KLHL1: variants seen among roughly 807,000 people sequenced by gnomAD.
The protein encoded by KLHL1 is kelch-like protein 1.
A neutral mutation model predicts 77.7 loss-of-function variants in KLHL1; 47 were observed. The observed-to-expected ratio is 0.60, with a 90% CI of 0.48 to 0.77. The LOEUF is 0.77. Ranked by LOEUF, KLHL1 falls within the 30% of genes least tolerant of loss-of-function variation. KLHL1 has a pLI of 0.00. For missense variants in KLHL1, 925 were observed against 910.8 expected (o/e 1.02, Z -0.20); for synonymous variants, 360 against 325.2 (o/e 1.11, Z -1.15).
chr13:69,873,965 T>C (rs1880674973), intron 5 of KLHL1, among the ~76,000 whole-genome samples: 1 of 151,984 alleles, frequency 6.6e-6, no homozygotes, highest in Non-Finnish European at 1.5e-5. Context: ...CTAAGAACAG[T>C]AAACATTTAA....
At chr13:69,771,082 T>C (rs1875541139) in intron 7 of KLHL1, among the ~76,000 whole-genome samples, 1 of 152,204 alleles carries the variant, frequency 6.6e-6, no homozygotes. Context: ...TGCTGCCATA[T>C]ATACTTTTGG....
In KLHL1 at chr13:69,796,856, T is replaced by C. The variant is rs199651149; in HGVS notation, c.1521A>G (p.Lys507=). The C allele has an allele frequency of 2.5e-6, 4 of 1,613,846 alleles. No individual in the cohort carries two copies. In the African/African-American group the frequency reaches 4.0e-5, roughly 16 times the overall value. Residue 507 remains lysine, a synonymous_variant, in exon 7 of 11, where the codon AAA becomes AAG. Transcript: ENST00000377844. ...CATCTCGACCTCCAATTACAAAGAG[T>C]TTGTCATCAATAACAGCCACACCAA... ...LQFGVAVIDD[K]LFVIGGRDGL...
chr13:69,867,989 A>T (rs1880437116), intron 5 of KLHL1, among the ~76,000 whole-genome samples: 1 of 150,766 alleles, frequency 6.6e-6, no homozygotes, highest in Non-Finnish European at 1.5e-5. Context: ...GTACCCTAAA[A>T]CTTAAAGCAT....
chr13:69,925,812 CATGAGATAAAT>C (rs1427066223), intron 4 of KLHL1, among the ~76,000 whole-genome samples: 1 of 152,134 alleles, frequency 6.6e-6, no homozygotes, highest in African/African-American at 2.4e-5. Context: ...TACTCTCATT[CATGAGATAAAT>C]ATGAGATAAA....
intron 1 of KLHL1, among the ~76,000 whole-genome samples, chr13:69,997,492 A>G (rs1042117824): frequency 1.6e-4 from 24 of 151,052 alleles, no homozygotes; most frequent in Non-Finnish European, 3.4e-4. Flanking sequence ...ACGGGAAACC[A>G]CCGCTTTCCT....
At chr13:69,929,657 TATTA>T (rs978454634) in intron 4 of KLHL1, among the ~76,000 whole-genome samples, 54 of 152,042 alleles carry the variant, frequency 3.6e-4, no homozygotes, top group African/African-American at 1.1e-3. Context: ...TCTAGTATTT[TATTA>T]ATTAAATTTT....
intron 1 of KLHL1, among the ~76,000 whole-genome samples, chr13:70,056,494 T>C (rs1287949130): frequency 6.6e-6 from 1 of 152,064 alleles, no homozygotes; most frequent in Non-Finnish European, 1.5e-5. Context: ...ATGGAACTAA[T>C]GTATTTCATT....
At chr13:69,774,770 C>T (rs116341455) in intron 7 of KLHL1, among the ~76,000 whole-genome samples, 2,308 of 152,066 alleles carry the variant, frequency 0.015, 56 homozygotes, top group African/African-American at 0.051. Flanking sequence ...TTTGCAGAAT[C>T]TGTTGCTTCT....
At chr13:70,038,210 T>A (rs1886285199) in intron 1 of KLHL1, among the ~76,000 whole-genome samples, 1 of 152,196 alleles carries the variant, frequency 6.6e-6, no homozygotes, top group African/African-American at 2.4e-5. Flanking sequence ...GCCCTTCAGA[T>A]CCATCCAAAT....
chr13:69,964,234 A>T (rs1884149629), intron 2 of KLHL1, among the ~76,000 whole-genome samples: 1 of 152,032 alleles, frequency 6.6e-6, no homozygotes, highest in Non-Finnish European at 1.5e-5. Flanking sequence ...TGTAGACAGC[A>T]TCTTGCTATA....
chr13:70,006,913 T>C (rs927226551), intron 1 of KLHL1, among the ~76,000 whole-genome samples: 2 of 152,086 alleles, frequency 1.3e-5, no homozygotes, highest in African/African-American at 2.4e-5. Flanking sequence ...CTCTTGCATA[T>C]GTACAAATTA....
chr13:70,074,063 G>T (rs1887203647), intron 1 of KLHL1, among the ~76,000 whole-genome samples: 1 of 152,026 alleles, frequency 6.6e-6, no homozygotes, highest in Non-Finnish European at 1.5e-5. Context: ...CCGACCTCAG[G>T]TGATCCGCCC....
chr13:69,956,092 AT>A (rs1883872864), intron 3 of KLHL1, among the ~76,000 whole-genome samples: 1 of 139,726 alleles, frequency 7.2e-6, no homozygotes, highest in Non-Finnish European at 1.5e-5. Flanking sequence ...ATTTTTATAT[AT>A]TTGATATATA....
chr13:69,911,961 A>G (rs1349907064), intron 4 of KLHL1, among the ~76,000 whole-genome samples: 1 of 152,200 alleles, frequency 6.6e-6, no homozygotes, highest in African/African-American at 2.4e-5. Context: ...AAACTGGGGC[A>G]ATCTGAAGTA....
At chr13:69,784,143 T>C (rs963094542) in intron 7 of KLHL1, among the ~76,000 whole-genome samples, 14 of 152,138 alleles carry the variant, frequency 9.2e-5, no homozygotes, top group African/African-American at 2.9e-4. Context: ...CTGAGAGATT[T>C]TGTCACCACC....
chr13:69,877,027 A>T (rs942203398), intron 5 of KLHL1, among the ~76,000 whole-genome samples: 22 of 151,960 alleles, frequency 1.4e-4, no homozygotes, highest in African/African-American at 5.3e-4. Context: ...ACAAGAGCAT[A>T]ACTCTGTCCA....
intron 1 of KLHL1, among the ~76,000 whole-genome samples, chr13:70,078,889 C>G (rs1462642849): frequency 3.2e-4 from 49 of 152,010 alleles, no homozygotes. Flanking sequence ...TTGAAATGAA[C>G]CCACTTAAAC....
chr13:69,939,576 T>G (rs551121857), intron 4 of KLHL1, among the ~76,000 whole-genome samples: 1 of 151,858 alleles, frequency 6.6e-6, no homozygotes, highest in African/African-American at 2.4e-5. Flanking sequence ...CTGGGGCAAT[T>G]TTGAAAATCA....
intron 6 of KLHL1, among the ~76,000 whole-genome samples, chr13:69,813,469 T>C (rs1430677077): frequency 9.2e-5 from 12 of 130,492 alleles, no homozygotes; most frequent in African/African-American, 3.5e-4. Context: ...TACACACATA[T>C]ATACACACAC....
Sources: gnomAD v4.1 joint callset for allele counts (sites outside exome capture counted in the v4.1 genomes callset) on GRCh38, gnomAD v4.1.1 for gene constraint, MANE v1.5 for transcripts, NCBI Gene and HGNC (gene_info 2026-07-23, HGNC 2026-07-21) for gene names.